The following TAOK3 variants were observed in gnomAD, a reference collection of about 807,000 sequenced individuals.
The protein encoded by TAOK3 is TAO kinase 3.
In TAOK3, 40 loss-of-function variants were observed where a neutral mutation model predicts 120.4. The observed-to-expected ratio is 0.33, with a 90% CI of 0.26 to 0.43. TAOK3 has a LOEUF of 0.43. Ranked by LOEUF, TAOK3 falls within the 20% of genes least tolerant of loss-of-function variation. The pLI is 1.00. For missense variants in TAOK3, 821 were observed against 1,112.1 expected, an observed-to-expected ratio of 0.74 and a Z score of 3.72; for synonymous variants, 355 against 387.5, an observed-to-expected ratio of 0.92 and a Z score of 0.99.
At chr12:118,213,935 G>T in intron 10 of TAOK3, 82 bp downstream of exon 10, 2 of 1,220,902 alleles carry the variant, frequency 1.6e-6, no homozygotes, top group East Asian at 2.4e-5. Context: ...TTCTAGGTCA[G>T]ATATTTAAAA....
chr12:118,275,503 A>C (rs888480701), intron 1 of TAOK3, among the ~76,000 whole-genome samples: 1 of 152,240 alleles, frequency 6.6e-6, no homozygotes, highest in African/African-American at 2.4e-5. Flanking sequence ...AACTTTATGT[A>C]ACTATAATAC....
chr12:118,299,262 G>T (rs940526655), intron 1 of TAOK3, among the ~76,000 whole-genome samples: 1 of 152,078 alleles, frequency 6.6e-6, no homozygotes, highest in African/African-American at 2.4e-5. Flanking sequence ...TGTTTCAACA[G>T]TTTTTTCTTC....
At chr12:118,182,004 G>A (rs1296770517) in intron 14 of TAOK3, among the ~76,000 whole-genome samples, 1 of 152,098 alleles carries the variant, frequency 6.6e-6, no homozygotes, top group Non-Finnish European at 1.5e-5. Context: ...GGCCAACATG[G>A]TAAAACCCCG....
intron 14 of TAOK3, among the ~76,000 whole-genome samples, chr12:118,181,944 G>C (rs910878989): frequency 1.3e-5 from 2 of 152,198 alleles, no homozygotes; most frequent in African/African-American, 4.8e-5. Flanking sequence ...CAGTACTTTG[G>C]GAGGCTGAGG....
intron 1 of TAOK3, among the ~76,000 whole-genome samples, chr12:118,314,622 A>G (rs1275087900): frequency 6.6e-6 from 1 of 152,212 alleles, no homozygotes; most frequent in African/African-American, 2.4e-5. Flanking sequence ...AAGGTTGGAA[A>G]AGACTTCAGA....
intron 4 of TAOK3, among the ~76,000 whole-genome samples, chr12:118,244,644 T>C (rs1482740276): frequency 6.7e-6 from 1 of 149,492 alleles, no homozygotes; most frequent in Non-Finnish European, 1.5e-5. Context: ...TTCTCCTGCC[T>C]CAGTCTCCTG....
intron 3 of TAOK3, among the ~76,000 whole-genome samples, chr12:118,252,533 C>T (rs2040800749): frequency 1.3e-5 from 2 of 151,854 alleles, no homozygotes; most frequent in African/African-American, 4.8e-5. Context: ...CCTTTTAATT[C>T]TTTCTGAAGT....
chr12:118,279,892 A>C (rs1421159884), intron 1 of TAOK3, among the ~76,000 whole-genome samples: 1 of 149,628 alleles, frequency 6.7e-6, no homozygotes, highest in Admixed American at 6.7e-5. Flanking sequence ...CAGCCTCCCA[A>C]GTAGCTGGGA....
At chr12:118,177,409 A>G in intron 15 of TAOK3, 80 bp from the exon 16 acceptor site, 1 of 1,264,886 alleles carries the variant, frequency 7.9e-7, no homozygotes, top group Non-Finnish European at 1.1e-6. Flanking sequence ...CAGTGCAGTA[A>G]GACAGTCCAT....
chr12:118,367,827 T>A (rs1276936700), intron 1 of TAOK3, among the ~76,000 whole-genome samples: 2 of 151,630 alleles, frequency 1.3e-5, no homozygotes, highest in East Asian at 1.9e-4. Flanking sequence ...AGGGAAAAAA[T>A]TATTTTAAAA....
chr12:118,205,632 A>AC (rs1369126850), intron 11 of TAOK3, among the ~76,000 whole-genome samples: 1 of 151,848 alleles, frequency 6.6e-6, no homozygotes, highest in African/African-American at 2.4e-5. Context: ...TTTTTTTGAG[A>AC]CAAAGTCTTA....
intron 1 of TAOK3, among the ~76,000 whole-genome samples, chr12:118,294,854 T>C (rs1181598824): frequency 6.6e-6 from 1 of 152,164 alleles, no homozygotes; most frequent in African/African-American, 2.4e-5. Context: ...TCCTCAAGGC[T>C]TTTGGTCAGA....
intron 1 of TAOK3, among the ~76,000 whole-genome samples, chr12:118,271,526 A>C (rs1396529700): frequency 6.6e-6 from 1 of 152,214 alleles, no homozygotes; most frequent in East Asian, 1.9e-4. Flanking sequence ...TTTATTGCCA[A>C]ATAATATTCC....
At chr12:118,305,013 A>G (rs1423340780) in intron 1 of TAOK3, among the ~76,000 whole-genome samples, 1 of 152,228 alleles carries the variant, frequency 6.6e-6, no homozygotes, top group Non-Finnish European at 1.5e-5. Flanking sequence ...CAAATCCCAG[A>G]TCTAATCCTA....
At chr12:118,166,462 C>T (rs2035587047) in intron 17 of TAOK3, among the ~76,000 whole-genome samples, 1 of 150,614 alleles carries the variant, frequency 6.6e-6, no homozygotes, top group African/African-American at 2.4e-5. Context: ...CACTTGAACT[C>T]GGGAGGCGGA....
At chr12:118,229,949 CACTT>C (rs1182923515) in intron 9 of TAOK3, among the ~76,000 whole-genome samples, 6 of 151,936 alleles carry the variant, frequency 3.9e-5, no homozygotes, top group African/African-American at 4.8e-5. Flanking sequence ...ATAATAATAA[CACTT>C]ACATAGTGCT....
chr12:118,267,289 C>CT (rs1334305486), intron 1 of TAOK3, among the ~76,000 whole-genome samples: 3 of 151,922 alleles, frequency 2.0e-5, no homozygotes. Context: ...GATCTCGGCT[C>CT]ACTGCAACCT....
intron 2 of TAOK3, chr12:118,261,679 C>T (rs1263680890): frequency 6.6e-6 from 1 of 152,064 alleles, no homozygotes; most frequent in Non-Finnish European, 1.5e-5. Flanking sequence ...AGATGCTGTA[C>T]AGGTGCAGTA....
At chr12:118,216,847 T>C (rs1373085120) in intron 9 of TAOK3, among the ~76,000 whole-genome samples, 1 of 146,108 alleles carries the variant, frequency 6.8e-6, no homozygotes, top group African/African-American at 2.6e-5. Context: ...GAGAATGGCG[T>C]GAACCCAGGA....
Sources: gnomAD v4.1 joint callset for allele counts (sites outside exome capture counted in the v4.1 genomes callset) on GRCh38, gnomAD v4.1.1 for gene constraint, MANE v1.5 for transcripts, NCBI Gene and HGNC (gene_info 2026-07-23, HGNC 2026-07-21) for gene names.